Variants in TNRC6A observed in about 807,000 individuals in gnomAD.
The protein encoded by TNRC6A is trinucleotide repeat containing adaptor 6A.
A neutral mutation model predicts 221.2 loss-of-function variants in TNRC6A; 44 were observed. The observed-to-expected ratio is 0.20, with a 90% confidence interval of 0.16 to 0.26. TNRC6A has a LOEUF of 0.26. Among genes scored for constraint, TNRC6A ranks in the 10% least tolerant of loss-of-function variants. The pLI is 1.00. For synonymous variants in TNRC6A, 847 were observed against 838.5 expected, an observed-to-expected ratio of 1.01 and a Z score of -0.18; for missense variants, 2,199 against 2,404.4, an observed-to-expected ratio of 0.91 and a Z score of 1.79.
At chr16:24,616,783 AATTAGCTGGAC>A (rs1555478726) in intron 1 of TNRC6A, among the ~76,000 whole-genome samples, 2 of 152,000 alleles carry the variant, frequency 1.3e-5, no homozygotes, top group Non-Finnish European at 2.9e-5. Flanking sequence ...AAATGCAAAA[AATTAGCTGGAC>A]ATGGTAGTGC....
intron 3 of TNRC6A, 112 bp from the exon 4 acceptor site, chr16:24,758,224 CTTG>C (rs1160908092): frequency 3.0e-5 from 31 of 1,034,552 alleles, no homozygotes; most frequent in Non-Finnish European, 4.4e-5. Flanking sequence ...TGAGAAATTC[CTTG>C]TTTAATAAAG....
At chr16:24,691,846 A>G (rs1256480033) in intron 2 of TNRC6A, among the ~76,000 whole-genome samples, 3 of 152,168 alleles carry the variant, frequency 2.0e-5, no homozygotes, top group Admixed American at 1.3e-4. Context: ...AGGATACACT[A>G]TAAACTCAGT....
In TNRC6A at chr16:24,815,323, A is replaced by G. The variant is rs1363343916; in HGVS notation, c.4831+18A>G. ...GCCACCAGGTAAAATTTTTTCTAAC[A>G]CTTTCTTTCATGAGACTGTGTTTCC... On this transcript the variant is annotated intron_variant, in intron 19 of 24. Transcript: ENST00000395799. 1 of 1,613,130 alleles carries G rather than the reference A, an allele frequency of 6.2e-7. No homozygotes were observed. Among genetic ancestry groups the G allele is most frequent in the Non-Finnish European group, 8.5e-7 (1 of 1,179,448 alleles).
At chr16:24,805,247 T>C (rs2058407114) in intron 14 of TNRC6A, 96 bp downstream of exon 14, 8 of 1,488,430 alleles carry the variant, frequency 5.4e-6, no homozygotes, top group Admixed American at 1.9e-5. Flanking sequence ...CATTATCATA[T>C]TTATTGGCAT....
intron 1 of TNRC6A, among the ~76,000 whole-genome samples, chr16:24,624,272 C>T (rs1900842781): frequency 6.6e-6 from 1 of 152,216 alleles, no homozygotes; most frequent in African/African-American, 2.4e-5. Context: ...CATTTGCTGA[C>T]ATCCCATTGG....
At chr16:24,683,598 C>T (rs1190121390) in intron 2 of TNRC6A, among the ~76,000 whole-genome samples, 1 of 152,170 alleles carries the variant, frequency 6.6e-6, no homozygotes, top group East Asian at 1.9e-4. Context: ...CCCTCTTCCC[C>T]ATGGGAGGTG....
At chr16:24,769,118 T>G (rs555982814) in intron 4 of TNRC6A, among the ~76,000 whole-genome samples, 3 of 152,312 alleles carry the variant, frequency 2.0e-5, no homozygotes, top group Admixed American at 6.5e-5. Flanking sequence ...TGTTCTTGGG[T>G]TTTCATGTGA....
At chr16:24,707,156 T>C (rs777907173) in intron 2 of TNRC6A, among the ~76,000 whole-genome samples, 1 of 151,884 alleles carries the variant, frequency 6.6e-6, no homozygotes, top group Non-Finnish European at 1.5e-5. Context: ...CCACCACACT[T>C]GGCTAATTTT....
chr16:24,611,039 C>A (rs1900033315), intron 1 of TNRC6A, among the ~76,000 whole-genome samples: 1 of 152,078 alleles, frequency 6.6e-6, no homozygotes, highest in East Asian at 1.9e-4. Flanking sequence ...TTTCGAACTC[C>A]TGACCTCCGG....
intron 2 of TNRC6A, among the ~76,000 whole-genome samples, chr16:24,737,570 T>G (rs2056798028): frequency 6.6e-6 from 1 of 152,248 alleles, no homozygotes; most frequent in South Asian, 2.1e-4. Flanking sequence ...CCGTTTCAAA[T>G]GGAATGTTCA....
intron 1 of TNRC6A, among the ~76,000 whole-genome samples, chr16:24,626,794 C>T (rs767367644): frequency 6.6e-6 from 1 of 151,696 alleles, no homozygotes; most frequent in Non-Finnish European, 1.5e-5. Flanking sequence ...GGATTACAGG[C>T]ACCCACCACC....
intron 19 of TNRC6A, 113 bp downstream of exon 19, chr16:24,815,418 C>T (rs764481711): frequency 1.8e-5 from 22 of 1,237,522 alleles, no homozygotes; most frequent in African/African-American, 4.5e-5. Context: ...CTGACGTGTG[C>T]GGATGAGAAG....
Position 24,666,668 on chromosome 16 carries a change from A to AAAT in TNRC6A, n.402+25660_402+25661insATA, listed in dbSNP as rs1555487103. Among the ~76,000 whole-genome samples the AAAT allele has an allele frequency of 1.7e-3, 113 of 65,096 alleles. 1 individual carries two copies. Among genetic ancestry groups the AAAT allele is most frequent in the Admixed American group, 2.4e-3 (11 of 4,504 alleles). 42.7% of individuals were successfully genotyped at this position (65,096 alleles called of 152,430 possible). Reference sequence around the variant, plus strand: ...AAAAAAAAAAAAAAAAAAAAAAAAAAATATATATATATATATATATACATA... The same window carrying AAAT: ...AAAAAAAAAAAAAAAAAAAAAAAAAAAATATATATATATATATATATATACATA... On this transcript the variant is annotated intron_variant and non_coding_transcript_variant, in intron 2 of 2. Coordinates refer to the TNRC6A transcript ENST00000566108.
chr16:24,613,115 C>CAAAAAAA (rs553122873), intron 1 of TNRC6A, among the ~76,000 whole-genome samples: 1 of 55,682 alleles, frequency 1.8e-5, no homozygotes, highest in African/African-American at 6.0e-5. Context: ...GACTCTGTCT[C>CAAAAAAA]AAAAAAAAAA....
At chr16:24,736,273 C>T (rs911353915) in intron 2 of TNRC6A, among the ~76,000 whole-genome samples, 3 of 152,170 alleles carry the variant, frequency 2.0e-5, no homozygotes, top group Non-Finnish European at 4.4e-5. Flanking sequence ...TATTTTGCCA[C>T]ATTTGTTCTA....
intron 5 of TNRC6A, among the ~76,000 whole-genome samples, chr16:24,780,856 A>T (rs2057826324): frequency 6.6e-6 from 1 of 151,862 alleles, no homozygotes; most frequent in African/African-American, 2.4e-5. Context: ...GTTTCTGGAG[A>T]TATTTAAAGG....
intron 2 of TNRC6A, among the ~76,000 whole-genome samples, chr16:24,651,936 A>C (rs550298964): frequency 4.4e-4 from 66 of 150,360 alleles, no homozygotes; most frequent in African/African-American, 1.4e-3. Flanking sequence ...CCCTCTCTAA[A>C]AAAAAAAAAA....
intron 2 of TNRC6A, among the ~76,000 whole-genome samples, chr16:24,646,169 A>G (rs1902278694): frequency 6.6e-6 from 1 of 152,180 alleles, no homozygotes; most frequent in East Asian, 1.9e-4. Flanking sequence ...CTTGGAATTT[A>G]TCTCATTTCA....
intron 3 of TNRC6A, among the ~76,000 whole-genome samples, chr16:24,755,485 A>G (rs1009162211): frequency 2.0e-5 from 3 of 152,238 alleles, no homozygotes; most frequent in African/African-American, 7.2e-5. Context: ...GTGCTTTTAT[A>G]TGAGTTAAAT....
Sources: allele counts gnomAD v4.1 joint callset (sites outside exome capture counted in the v4.1 genomes callset), GRCh38; gene constraint gnomAD v4.1.1; transcripts MANE v1.5; gene names NCBI Gene and HGNC (gene_info 2026-07-23, HGNC 2026-07-21).